Variants in CSGALNACT1 observed in about 807,000 individuals in gnomAD.
CSGALNACT1 encodes chondroitin sulfate N-acetylgalactosaminyltransferase 1, also known as beta4GalNAcT-1.
CSGALNACT1 carries 52 observed loss-of-function variants against 51.0 expected under a neutral mutation model. The observed-to-expected ratio is 1.02, with a 90% CI of 0.82 to 1.29. CSGALNACT1 has a LOEUF of 1.29. Ranked by LOEUF, CSGALNACT1 falls within the 50% of genes most tolerant of loss-of-function variation. CSGALNACT1 has a pLI of 0.00. For synonymous variants in CSGALNACT1, 341 were observed against 254.4 expected (o/e 1.34, Z -3.24); for missense variants, 935 against 679.2 (o/e 1.38, Z -4.19).
chr8:19,654,268 C>T (rs576663695), intron 1 of CSGALNACT1, among the ~76,000 whole-genome samples: 1 of 152,296 alleles, frequency 6.6e-6, no homozygotes, highest in Admixed American at 6.5e-5. Context: ...CTTACAAGGT[C>T]ATGTCCAGTT....
At chr8:19,535,654 G>A (rs185659109) in intron 3 of CSGALNACT1, among the ~76,000 whole-genome samples, 34 of 152,258 alleles carry the variant, frequency 2.2e-4, no homozygotes, top group South Asian at 2.1e-4. Flanking sequence ...GATTCTGATT[G>A]TAAGATGATG....
chr8:19,506,692 G>C (rs1310993421), intron 3 of CSGALNACT1, among the ~76,000 whole-genome samples: 9 of 152,134 alleles, frequency 5.9e-5, no homozygotes, highest in Non-Finnish European at 1.2e-4. Flanking sequence ...TAGCTCCCAT[G>C]AGAACTCCTT....
intron 3 of CSGALNACT1, among the ~76,000 whole-genome samples, chr8:19,547,298 A>G (rs1201430575): frequency 6.6e-6 from 1 of 152,210 alleles, no homozygotes; most frequent in Non-Finnish European, 1.5e-5. Context: ...CAAGTCTGAT[A>G]ACTAACTGGA....
At chr8:19,475,857 G>A (rs946721145) in intron 4 of CSGALNACT1, among the ~76,000 whole-genome samples, 1 of 152,202 alleles carries the variant, frequency 6.6e-6, no homozygotes, top group African/African-American at 2.4e-5. Context: ...ACGTGAGAAA[G>A]AGAGAACTGA....
chr8:19,587,653 T>C (rs2046940724), intron 3 of CSGALNACT1, among the ~76,000 whole-genome samples: 1 of 152,198 alleles, frequency 6.6e-6, no homozygotes, highest in African/African-American at 2.4e-5. Flanking sequence ...TACATACAGA[T>C]GCCCTTTATG....
chr8:19,668,064 T>C (rs2059524310), intron 1 of CSGALNACT1, among the ~76,000 whole-genome samples: 1 of 152,212 alleles, frequency 6.6e-6, no homozygotes, highest in South Asian at 2.1e-4. Context: ...TTACATCCTT[T>C]AACTTTTCCA....
intron 3 of CSGALNACT1, among the ~76,000 whole-genome samples, chr8:19,554,617 C>G (rs981681425): frequency 1.2e-5 from 1 of 85,206 alleles, no homozygotes; most frequent in Admixed American, 1.0e-4. Flanking sequence ...ATGATAACAT[C>G]AGAAAAGGCA....
chr8:19,590,861 G>A (rs1160249161), intron 3 of CSGALNACT1, among the ~76,000 whole-genome samples: 1 of 151,906 alleles, frequency 6.6e-6, no homozygotes, highest in Admixed American at 6.6e-5. Flanking sequence ...ATGTTGGCCA[G>A]GCTGGTTTTG....
chr8:19,523,017 G>C (rs1310088598), intron 3 of CSGALNACT1, among the ~76,000 whole-genome samples: 1 of 152,174 alleles, frequency 6.6e-6, no homozygotes, highest in Non-Finnish European at 1.5e-5. Context: ...TGAAAGATAA[G>C]TTGGAATATG....
chr8:19,748,525 C>T (rs146066509), intron 1 of CSGALNACT1, among the ~76,000 whole-genome samples: 13 of 152,256 alleles, frequency 8.5e-5, no homozygotes, highest in East Asian at 3.9e-4. Flanking sequence ...GTTTCTTTCC[C>T]GTCCCTCTCT....
At chr8:19,725,707 G>A (rs1347196291) in intron 1 of CSGALNACT1, among the ~76,000 whole-genome samples, 3 of 152,044 alleles carry the variant, frequency 2.0e-5, no homozygotes, top group African/African-American at 7.2e-5. Flanking sequence ...ACAGGAGTGG[G>A]CCACCAAAGC....
intron 5 of CSGALNACT1, among the ~76,000 whole-genome samples, chr8:19,447,666 G>A (rs1234079796): frequency 6.6e-6 from 1 of 152,168 alleles, no homozygotes; most frequent in Non-Finnish European, 1.5e-5. Context: ...CCCAGAGCAG[G>A]GGGAGGTGGG....
At chr8:19,464,853 C>G (rs2066317699) in intron 4 of CSGALNACT1, among the ~76,000 whole-genome samples, 1 of 152,202 alleles carries the variant, frequency 6.6e-6, no homozygotes, top group African/African-American at 2.4e-5. Context: ...CGACAACTTT[C>G]TCCAGTTGCA....
intron 3 of CSGALNACT1, among the ~76,000 whole-genome samples, chr8:19,590,959 T>C (rs995149600): frequency 6.6e-6 from 1 of 152,172 alleles, no homozygotes; most frequent in Non-Finnish European, 1.5e-5. Context: ...CCCTAACTAC[T>C]TAATTTTTAG....
At chr8:19,442,089 G>A (rs1485688033) in intron 5 of CSGALNACT1, among the ~76,000 whole-genome samples, 1 of 152,160 alleles carries the variant, frequency 6.6e-6, no homozygotes, top group Non-Finnish European at 1.5e-5. Context: ...AGAGGATGTG[G>A]AGAAATAGGA....
chr8:19,420,474 T>C lies in CSGALNACT1; in HGVS notation c.998A>G (p.Glu333Gly), dbSNP rs146205646. ...ATCAAGTCCCTTTCCCCGAGAAAATTCTCCATTCAGCTGGATGAAGGTAAA... is the reference window on the plus strand; with the variant it reads ...ATCAAGTCCCTTTCCCCGAGAAAATCCTCCATTCAGCTGGATGAAGGTAAA... Residue 333 changes from glutamate (E) to glycine (G), a missense_variant, in exon 7 of 10, where the codon GAA becomes GGA. Physicochemically the swap from Glu to Gly is moderately conservative, Grantham distance 98. Coordinates refer to ENST00000454498, the Ensembl canonical transcript of CSGALNACT1. The C allele has an allele frequency of 2.0e-4, 324 of 1,614,092 alleles. 1 individual carries two copies. The highest frequency in any genetic ancestry group is 8.3e-4 in the Middle Eastern group (5 of 6,056).
At chr8:19,676,084 T>TTAAAA (rs1554800831) in intron 1 of CSGALNACT1, among the ~76,000 whole-genome samples, 13 of 106,234 alleles carry the variant, frequency 1.2e-4, no homozygotes, top group African/African-American at 2.9e-4. Flanking sequence ...TTGTCTGATT[T>TTAAAA]AAAAAACAAA....
intron 1 of CSGALNACT1, among the ~76,000 whole-genome samples, chr8:19,751,607 T>A (rs1272512221): frequency 6.6e-6 from 1 of 152,126 alleles, no homozygotes; most frequent in Non-Finnish European, 1.5e-5. Context: ...TATGGTTGGG[T>A]TCTATGCCCC....
intron 3 of CSGALNACT1, among the ~76,000 whole-genome samples, chr8:19,560,363 A>G (rs566412357): frequency 2.6e-5 from 4 of 152,328 alleles, no homozygotes; most frequent in Admixed American, 2.0e-4. Context: ...ACAAAAGGCA[A>G]CAACCTTATG....
Sources: allele counts gnomAD v4.1 joint callset (sites outside exome capture counted in the v4.1 genomes callset), GRCh38; gene constraint gnomAD v4.1.1; transcripts MANE v1.5; gene names NCBI Gene and HGNC (gene_info 2026-07-23, HGNC 2026-07-21).